The following COL6A5 variants were observed in gnomAD, a reference collection of about 807,000 sequenced individuals.
COL6A5 encodes collagen alpha-5(VI) chain.
A neutral mutation model predicts 65.6 loss-of-function variants in COL6A5; 48 were observed. The observed-to-expected ratio is 0.73, with a 90% CI of 0.58 to 0.93. The LOEUF (loss-of-function observed/expected upper bound fraction) is 0.93, where lower values mean the gene tolerates loss of function less well. Among genes scored for constraint, COL6A5 ranks in the 40% least tolerant of loss-of-function variants. COL6A5 has a pLI of 0.00. For synonymous variants in COL6A5, 291 were observed against 322.8 expected, an observed-to-expected ratio of 0.90 and a Z score of 1.05; for missense variants, 914 against 928.3, an observed-to-expected ratio of 0.98 and a Z score of 0.20.
At chr3:130,470,543 T>C (rs1186001532) in intron 6 of COL6A5, among the ~76,000 whole-genome samples, 1 of 151,638 alleles carries the variant, frequency 6.6e-6, no homozygotes, top group East Asian at 1.9e-4. Flanking sequence ...AAAAATAAAA[T>C]ATAAACATTT....
intron 5 of COL6A5, among the ~76,000 whole-genome samples, chr3:130,456,365 A>G (rs1391477575): frequency 1.3e-5 from 2 of 152,050 alleles, no homozygotes; most frequent in African/African-American, 4.8e-5. Flanking sequence ...GAGAAAAAGG[A>G]AAAAAAGAGG....
chr3:130,436,154 C>T (rs1029501542), intron 1 of COL6A5, among the ~76,000 whole-genome samples: 1 of 151,744 alleles, frequency 6.6e-6, no homozygotes, highest in East Asian at 1.9e-4. Context: ...TAAAAATTAC[C>T]CATGATCTTT....
At chr3:130,389,972 G>A (rs1010462198) in intron 6 of COL6A5, among the ~76,000 whole-genome samples, 24 of 152,138 alleles carry the variant, frequency 1.6e-4, no homozygotes, top group African/African-American at 4.6e-4. Flanking sequence ...GACTTTATTC[G>A]TCAAAATTAT....
chr3:130,364,013 A>G (rs954606079), intron 1 of COL6A5, among the ~76,000 whole-genome samples: 1 of 152,114 alleles, frequency 6.6e-6, no homozygotes, highest in African/African-American at 2.4e-5. Context: ...TGTTTTTAGG[A>G]TGGAGTGACA....
chr3:130,429,605 G>A (rs775609814), upstream of COL6A5: 3 of 1,541,906 alleles, frequency 1.9e-6, no homozygotes, highest in Non-Finnish European at 2.6e-6. Context: ...TTACCATGCT[G>A]TTCCCTGCTG....
At chr3:130,358,278 A>G (rs73214703) in intron 1 of COL6A5, among the ~76,000 whole-genome samples, 3,469 of 152,298 alleles carry the variant, frequency 0.023, 67 homozygotes, top group Non-Finnish European at 0.035. Flanking sequence ...GTTCTGGTCA[A>G]TGTAATAATA....
intron 23 of COL6A5, 23 bp downstream of exon 23, chr3:130,415,730 G>T: frequency 6.6e-7 from 1 of 1,520,650 alleles, no homozygotes; most frequent in East Asian, 2.5e-5. Flanking sequence ...GAGACATTAG[G>T]CTCAATGACT....
At chr3:130,361,414 T>C (rs940877854) in intron 1 of COL6A5, among the ~76,000 whole-genome samples, 3 of 152,110 alleles carry the variant, frequency 2.0e-5, no homozygotes, top group African/African-American at 7.2e-5. Context: ...GGCTTGATAG[T>C]ATATTTCATT....
intron 5 of COL6A5, among the ~76,000 whole-genome samples, chr3:130,456,369 A>G (rs1709572326): frequency 6.6e-6 from 1 of 152,082 alleles, no homozygotes; most frequent in Non-Finnish European, 1.5e-5. Context: ...AAAAGGAAAA[A>G]AAGAGGAAGA....
intron 5 of COL6A5, 64 bp downstream of exon 37, chr3:130,455,730 A>G (rs1709557793): frequency 6.2e-6 from 8 of 1,299,222 alleles, no homozygotes; most frequent in Middle Eastern, 5.1e-4. Context: ...TTTTAACACT[A>G]GTAGAAAATC....
At chr3:130,430,068 A>G (rs930296430), upstream of COL6A5, among the ~76,000 whole-genome samples, 1 of 152,064 alleles carries the variant, frequency 6.6e-6, no homozygotes, top group Non-Finnish European at 1.5e-5. Context: ...GCTGCATGGC[A>G]CCTTAGAGCC....
rs1710319373 is a variant in COL6A5 at position 130,484,163 on chromosome 3, C to T, written c.*122C>T. ...ACTGTGGTAAATGACAGGGACTTTT[C>T]ACAAAAACAATTGGCTAATAGCATG... On this transcript the variant is annotated 3_prime_UTR_variant, in exon 8 of 8. Transcript: ENST00000512836. The T allele has an allele frequency of 6.7e-6, 7 of 1,047,532 alleles. No individual in the cohort carries two copies. The South Asian group carries it at 1.5e-4, about 22-fold the overall frequency. 64.9% of individuals were successfully genotyped at this position (1,047,532 alleles called of 1,614,324 possible). A position where few individuals can be genotyped will look rare whatever the true frequency, so the allele number is the denominator to read the frequency against.
intron 4 of COL6A5, among the ~76,000 whole-genome samples, chr3:130,447,374 A>G (rs1367148895): frequency 2.6e-5 from 4 of 152,154 alleles, no homozygotes; most frequent in African/African-American, 9.7e-5. Context: ...GGAAGTACGA[A>G]GACCTGGCAC....
chr3:130,484,811 G>C, exon 8 of COL6A5: 1 of 398,722 alleles, frequency 2.5e-6, no homozygotes, highest in Non-Finnish European at 4.4e-6. Context: ...TGTAGCAAGA[G>C]ATAATTTCTA....
chr3:130,358,332 T>C (rs912061322), intron 1 of COL6A5, among the ~76,000 whole-genome samples: 5 of 152,146 alleles, frequency 3.3e-5, no homozygotes, highest in South Asian at 2.1e-4. Context: ...ATTATTGTTA[T>C]TTTTATTTAA....
At chr3:130,346,678 A>G (rs1043194519) in intron 1 of COL6A5, among the ~76,000 whole-genome samples, 6 of 152,302 alleles carry the variant, frequency 3.9e-5, no homozygotes, top group Non-Finnish European at 7.4e-5. Context: ...AGGATCCCCA[A>G]GCTGGTAGCG....
intron 20 of COL6A5, among the ~76,000 whole-genome samples, chr3:130,410,990 T>C (rs917299405): frequency 2.0e-5 from 3 of 152,206 alleles, no homozygotes; most frequent in African/African-American, 7.2e-5. Flanking sequence ...ATAAGAATAC[T>C]ATGAACTAGG....
At chr3:130,388,724 T>C (rs144238271) in exon 6 of COL6A5, 3 of 1,551,316 alleles carry the variant, frequency 1.9e-6, no homozygotes, top group Non-Finnish European at 2.6e-6. Context: ...CAGATTGGTG[T>C]TGTTCAGTTC....
Position 130,439,513 on chromosome 3 carries a change from C to T in COL6A5, c.488-9C>T. 1 of 1,544,368 alleles carries T rather than the reference C, an allele frequency of 6.5e-7. No individual in the cohort carries two copies. The highest frequency in any genetic ancestry group is 8.8e-7 in the Non-Finnish European group (1 of 1,142,068). On this transcript the variant is annotated splice_polypyrimidine_tract_variant and intron_variant, in intron 1 of 7. Transcript: ENST00000512836. ...GAGCAAACATGCGTTCACTTCTTTT[C>T]CAATGCAGTTTGACAACACTGGAAC...
Sources: allele counts gnomAD v4.1 joint callset (sites outside exome capture counted in the v4.1 genomes callset), GRCh38; gene constraint gnomAD v4.1.1; transcripts MANE v1.5; gene names NCBI Gene and HGNC (gene_info 2026-07-23, HGNC 2026-07-21).